OPCML: variants seen among roughly 807,000 people sequenced by gnomAD.
OPCML encodes opioid-binding protein/cell adhesion molecule.
A neutral mutation model predicts 37.8 loss-of-function variants in OPCML; 13 were observed. That is an observed-to-expected ratio of 0.34 (90% CI 0.22 to 0.55). The LOEUF (loss-of-function observed/expected upper bound fraction) is 0.55, where lower values mean the gene tolerates loss of function less well. Among genes scored for constraint, OPCML ranks in the 20% least tolerant of loss-of-function variants. OPCML has a pLI of 0.91. For missense variants in OPCML, 341 were observed against 435.6 expected, an observed-to-expected ratio of 0.78 and a Z score of 1.93; for synonymous variants, 176 against 168.8, an observed-to-expected ratio of 1.04 and a Z score of -0.33.
chr11:133,023,708 A>G (rs1947496018), intron 1 of OPCML, among the ~76,000 whole-genome samples: 1 of 152,224 alleles, frequency 6.6e-6, no homozygotes, highest in Non-Finnish European at 1.5e-5. Flanking sequence ...ATGATAATCT[A>G]CCAAGTGATT....
intron 4 of OPCML, among the ~76,000 whole-genome samples, chr11:132,517,044 A>G (rs1000266882): frequency 1.3e-5 from 2 of 152,192 alleles, no homozygotes; most frequent in Admixed American, 6.5e-5. Flanking sequence ...AGGTCTTTTC[A>G]CAGCTGGTTA....
chr11:132,801,162 T>C (rs1938626319), intron 2 of OPCML, among the ~76,000 whole-genome samples: 1 of 152,220 alleles, frequency 6.6e-6, no homozygotes, highest in Non-Finnish European at 1.5e-5. Flanking sequence ...TAACCTGTTA[T>C]CTATTTTGTA....
At chr11:132,866,655 T>C (rs1400206454) in intron 2 of OPCML, among the ~76,000 whole-genome samples, 2 of 152,230 alleles carry the variant, frequency 1.3e-5, no homozygotes, top group East Asian at 1.9e-4. Context: ...TTTACTAACA[T>C]TGTTAATAAT....
At chr11:132,654,524 T>G (rs1941599541) in intron 3 of OPCML, among the ~76,000 whole-genome samples, 1 of 149,874 alleles carries the variant, frequency 6.7e-6, no homozygotes, top group African/African-American at 2.5e-5. Flanking sequence ...GAGAAGCTCC[T>G]CCCCAAGAGA....
chr11:132,495,723 C>G (rs1245411452), intron 4 of OPCML, among the ~76,000 whole-genome samples: 1 of 152,034 alleles, frequency 6.6e-6, no homozygotes, highest in Non-Finnish European at 1.5e-5. Context: ...AAACCCGTCT[C>G]CACTAAAAAT....
At chr11:133,361,212 G>C (rs1944406265) in intron 1 of OPCML, 1 of 152,336 alleles carries the variant, frequency 6.6e-6, no homozygotes, top group Non-Finnish European at 1.5e-5. Flanking sequence ...AAAGTGCGGG[G>C]AATTTCCAGA....
intron 1 of OPCML, chr11:133,067,832 T>C (rs1591970266): frequency 6.6e-6 from 1 of 152,202 alleles, no homozygotes; most frequent in African/African-American, 2.4e-5. Flanking sequence ...AGTAAAATGC[T>C]GTCCAACCTC....
intron 2 of OPCML, among the ~76,000 whole-genome samples, chr11:132,767,942 G>A (rs12788012): frequency 0.041 from 6,295 of 152,168 alleles, 199 homozygotes; most frequent in Non-Finnish European, 0.062. Flanking sequence ...CCTCATGCTC[G>A]ACTTTAAAGA....
At chr11:133,008,449 A>G (rs1227390034) in intron 1 of OPCML, 1 of 982,982 alleles carries the variant, frequency 1.0e-6, no homozygotes, top group Non-Finnish European at 1.2e-6. Context: ...ATTGTGGTAG[A>G]TGCCATGATG....
intron 1 of OPCML, among the ~76,000 whole-genome samples, chr11:133,449,866 T>A (rs946132283): frequency 6.6e-6 from 1 of 151,762 alleles, no homozygotes; most frequent in Admixed American, 6.6e-5. Context: ...CAACCACTAT[T>A]CAACACCTGG....
chr11:133,423,996 G>A (rs950050649), intron 1 of OPCML, among the ~76,000 whole-genome samples: 2 of 152,158 alleles, frequency 1.3e-5, no homozygotes, highest in African/African-American at 4.8e-5. Context: ...CGTACATCCT[G>A]TATAACCATG....
chr11:132,656,686 C>T (rs970192715), intron 3 of OPCML, among the ~76,000 whole-genome samples: 11 of 152,162 alleles, frequency 7.2e-5, no homozygotes, highest in East Asian at 3.9e-4. Context: ...AGTCATGTCA[C>T]GTAGTTTCTC....
At chr11:132,599,666 T>C (rs562253194) in intron 3 of OPCML, among the ~76,000 whole-genome samples, 6 of 152,306 alleles carry the variant, frequency 3.9e-5, no homozygotes, top group African/African-American at 1.4e-4. Context: ...TAGTTGTATA[T>C]ACAGGAGTCT....
At chr11:133,209,840 T>A (rs1939279121) in intron 1 of OPCML, among the ~76,000 whole-genome samples, 1 of 152,318 alleles carries the variant, frequency 6.6e-6, no homozygotes, top group South Asian at 2.1e-4. Flanking sequence ...GAAAACATAA[T>A]GTATCTGTTT....
intron 1 of OPCML, among the ~76,000 whole-genome samples, chr11:132,986,111 C>G (rs1946678308): frequency 6.6e-6 from 1 of 151,984 alleles, no homozygotes; most frequent in Non-Finnish European, 1.5e-5. Context: ...GCTCTGAAAA[C>G]TTTTTTTTAC....
chr11:133,135,229 G>A (rs1949669340), intron 1 of OPCML, among the ~76,000 whole-genome samples: 2 of 152,128 alleles, frequency 1.3e-5, no homozygotes, highest in South Asian at 4.1e-4. Flanking sequence ...ATAAATAACA[G>A]CTGAAGCGTT....
chr11:133,047,225 C>T (rs1948033543), intron 1 of OPCML, among the ~76,000 whole-genome samples: 1 of 152,206 alleles, frequency 6.6e-6, no homozygotes, highest in African/African-American at 2.4e-5. Flanking sequence ...CAGCACATGC[C>T]ACTTTTAGGG....
intron 2 of OPCML, among the ~76,000 whole-genome samples, chr11:132,746,023 G>A (rs537774861): frequency 2.0e-5 from 3 of 152,228 alleles, no homozygotes; most frequent in Admixed American, 2.0e-4. Flanking sequence ...GGCCCAGCAG[G>A]GCTCTGCTCT....
intron 2 of OPCML, among the ~76,000 whole-genome samples, chr11:132,927,906 A>G (rs1424177564): frequency 1.3e-5 from 2 of 152,040 alleles, no homozygotes; most frequent in African/African-American, 4.8e-5. Flanking sequence ...TAACCTTAGG[A>G]TATTGTATAT....
Sources: allele counts gnomAD v4.1 joint callset (sites outside exome capture counted in the v4.1 genomes callset), GRCh38; gene constraint gnomAD v4.1.1; transcripts MANE v1.5; gene names NCBI Gene and HGNC (gene_info 2026-07-23, HGNC 2026-07-21).